AGR3: variants seen among roughly 807,000 people sequenced by gnomAD.
AGR3 encodes the protein anterior gradient protein 3.
Under a neutral mutation model 24.5 loss-of-function variants are expected in AGR3, and 37 were observed. The observed-to-expected ratio is 1.51, with a 90% CI of 1.16 to 1.99. AGR3 has a LOEUF of 1.99. Ranked by LOEUF, AGR3 falls within the 30% of genes most tolerant of loss-of-function variation. The pLI, the probability that AGR3 is intolerant of heterozygous loss-of-function variation, is 0.00. For synonymous variants in AGR3, 75 were observed against 61.6 expected (o/e 1.22, Z -1.02); for missense variants, 228 against 191.1 (o/e 1.19, Z -1.14).
chr7:16,875,205 C>T (rs1583846072), intron 2 of AGR3, among the ~76,000 whole-genome samples: 1 of 151,880 alleles, frequency 6.6e-6, no homozygotes, highest in Non-Finnish European at 1.5e-5. Flanking sequence ...AATTTTAGAA[C>T]ATTTTCATCT....
At chr7:16,867,448 T>C (rs1781779698) in intron 3 of AGR3, among the ~76,000 whole-genome samples, 1 of 152,230 alleles carries the variant, frequency 6.6e-6, no homozygotes, top group Non-Finnish European at 1.5e-5. Context: ...TATATGGATA[T>C]GTTGTACAGT....
At chr7:16,877,835 C>A (rs1030416759) in intron 2 of AGR3, among the ~76,000 whole-genome samples, 7 of 142,696 alleles carry the variant, frequency 4.9e-5, no homozygotes, top group East Asian at 2.0e-4. Flanking sequence ...TACACTCCAG[C>A]CTGGGTGACA....
downstream of AGR3, among the ~76,000 whole-genome samples, chr7:16,855,162 T>A (rs920186132): frequency 6.6e-6 from 1 of 152,194 alleles, no homozygotes; most frequent in Non-Finnish European, 1.5e-5. Context: ...TATTTGAAAC[T>A]GTATATTGTT....
intron 2 of AGR3, among the ~76,000 whole-genome samples, chr7:16,878,306 G>T (rs886385097): frequency 2.6e-5 from 4 of 152,130 alleles, no homozygotes; most frequent in Non-Finnish European, 5.9e-5. Context: ...GCAAATTTAT[G>T]TTATTGTTTG....
intron 3 of AGR3, among the ~76,000 whole-genome samples, chr7:16,870,324 A>G (rs1284044941): frequency 2.6e-5 from 4 of 152,056 alleles, no homozygotes; most frequent in Non-Finnish European, 5.9e-5. Flanking sequence ...TTTTTCACGT[A>G]TATAAATTAT....
intron 3 of AGR3, among the ~76,000 whole-genome samples, chr7:16,866,846 C>T (rs559563212): frequency 6.6e-6 from 1 of 152,142 alleles, no homozygotes; most frequent in East Asian, 1.9e-4. Context: ...CTAATATGTG[C>T]TGCAGTTTTC....
Position 16,865,645 on chromosome 7 carries a change from C to G in AGR3, c.174-2983G>C, listed in dbSNP as rs915334884. 3 of 781,174 alleles carry G rather than the reference C, an allele frequency of 3.8e-6. No individual in the cohort carries two copies. The African/African-American group carries it at 5.1e-5, about 13-fold the overall frequency. The allele number at this position is 781,174 out of a possible 1,614,324, so 48.4% of individuals were successfully genotyped here. A position where few individuals can be genotyped will look rare whatever the true frequency, so the allele number is the denominator to read the frequency against. ...TAGGTAAATCTTCAACCAGAATTAT[C>G]TTCTTATCAGTTCTCAGATGATCTC... On this transcript the variant is annotated intron_variant, in intron 3 of 7. Transcript: ENST00000310398.
intron 3 of AGR3, among the ~76,000 whole-genome samples, chr7:16,873,115 T>C (rs1371929772): frequency 6.6e-6 from 1 of 152,082 alleles, no homozygotes; most frequent in Admixed American, 6.6e-5. Flanking sequence ...ATTTAAAAAA[T>C]CAGTATATCA....
At chr7:16,876,126 C>A (rs1200534955) in intron 2 of AGR3, among the ~76,000 whole-genome samples, 1 of 152,126 alleles carries the variant, frequency 6.6e-6, no homozygotes, top group Non-Finnish European at 1.5e-5. Context: ...TCCCTATTCT[C>A]AACAAATTGT....
downstream of AGR3, among the ~76,000 whole-genome samples, chr7:16,855,608 T>G (rs892955540): frequency 6.6e-6 from 1 of 152,178 alleles, no homozygotes; most frequent in Non-Finnish European, 1.5e-5. Context: ...ACAGGGACTT[T>G]CTGCTCCCAA....
chr7:16,877,738 C>T (rs1378977707), intron 2 of AGR3, among the ~76,000 whole-genome samples: 1 of 151,868 alleles, frequency 6.6e-6, no homozygotes, highest in Non-Finnish European at 1.5e-5. Flanking sequence ...TGGCGGGCGC[C>T]TGTAGTCCCA....
At chr7:16,872,021 A>G (rs1382016847) in intron 3 of AGR3, among the ~76,000 whole-genome samples, 1 of 152,182 alleles carries the variant, frequency 6.6e-6, no homozygotes, top group Non-Finnish European at 1.5e-5. Context: ...TAAAATGACC[A>G]TACCACCAAA....
intron 2 of AGR3, among the ~76,000 whole-genome samples, chr7:16,876,277 A>C (rs994222973): frequency 1.3e-5 from 2 of 152,106 alleles, no homozygotes; most frequent in African/African-American, 4.8e-5. Context: ...CCCTATCTCT[A>C]TCTCTGGCTA....
Position 16,878,600 on chromosome 7 carries a change from A to C in AGR3, c.19T>G (p.Leu7Val), listed in dbSNP as rs1782040261. 6.2e-7 allele frequency: 1 copy of C among 1,614,010 alleles called. No homozygotes were observed. The highest frequency in any genetic ancestry group is 1.7e-5 in the Admixed American group (1 of 60,004). The change falls in exon 2 of 8, where the codon TTG becomes GTG. Residue 7 changes from leucine to valine, a missense_variant. Transcript: ENST00000310398. Reference protein sequence around the residue: MMLHSALGLCLLLVTVS... With the variant: MMLHSAVGLCLLLVTVS... ...GTGACGAGTAAGAGGCAGAGACCCA[A>C]AGCTGAGTGTAGCATCATGTCTTCT... is the stretch of plus-strand genomic sequence containing the variant.
chr7:16,875,102 G>A (rs909788166), intron 2 of AGR3, among the ~76,000 whole-genome samples: 2 of 134,768 alleles, frequency 1.5e-5, no homozygotes, highest in Admixed American at 1.6e-4. Context: ...GTAACAGAGC[G>A]AGACTCCATC....
At chr7:16,868,309 C>T (rs1781800019) in intron 3 of AGR3, among the ~76,000 whole-genome samples, 1 of 152,102 alleles carries the variant, frequency 6.6e-6, no homozygotes, top group Admixed American at 6.6e-5. Flanking sequence ...GCATGCACCA[C>T]TATGCCTGGC....
At chr7:16,878,753 T>C (rs1178472092) in intron 1 of AGR3, 108 bp from the exon 2 acceptor site, 7 of 821,182 alleles carry the variant, frequency 8.5e-6, no homozygotes, top group Non-Finnish European at 1.3e-5. Flanking sequence ...CTGTTCAGCT[T>C]TTTTGGTTTG....
At chr7:16,860,420 G>T in intron 7 of AGR3, 80 bp downstream of exon 7, 1 of 1,039,474 alleles carries the variant, frequency 9.6e-7, no homozygotes, top group Non-Finnish European at 1.5e-6. Flanking sequence ...TAGAAGCACT[G>T]ATGTAGGGCT....
At chr7:16,863,799 T>C (rs1781695486) in intron 3 of AGR3, among the ~76,000 whole-genome samples, 6 of 152,114 alleles carry the variant, frequency 3.9e-5, no homozygotes, top group Admixed American at 3.9e-4. Flanking sequence ...GTTTCCAATC[T>C]CTTGTGTTTA....
Sources: gnomAD v4.1 joint callset for allele counts (sites outside exome capture counted in the v4.1 genomes callset) on GRCh38, gnomAD v4.1.1 for gene constraint, MANE v1.5 for transcripts, NCBI Gene and HGNC (gene_info 2026-07-23, HGNC 2026-07-21) for gene names.